Variants in SIAH1 observed in about 807,000 individuals in gnomAD.
SIAH1 encodes the protein siah E3 ubiquitin protein ligase 1.
Under a neutral mutation model 20.0 loss-of-function variants are expected in SIAH1, and 2 were observed. That is an observed-to-expected ratio of 0.10 (90% CI 0.04 to 0.31). The LOEUF (loss-of-function observed/expected upper bound fraction) is 0.31, where lower values mean the gene tolerates loss of function less well. Among genes scored for constraint, SIAH1 ranks in the 10% least tolerant of loss-of-function variants. SIAH1 has a pLI of 1.00. For missense variants in SIAH1, 119 were observed against 355.3 expected (o/e 0.33, Z 5.35); for synonymous variants, 118 against 125.3 (o/e 0.94, Z 0.39).
At chr16:48,383,337 C>T (rs1363092858) in intron 1 of SIAH1, among the ~76,000 whole-genome samples, 1 of 152,092 alleles carries the variant, frequency 6.6e-6, no homozygotes, top group East Asian at 1.9e-4. Context: ...CAGAATGAAA[C>T]ACTACACAAC....
At chr16:48,365,839 G>A (rs1401378964) in intron 1 of SIAH1, 39 of 1,249,792 alleles carry the variant, frequency 3.1e-5, no homozygotes, top group Admixed American at 3.9e-5. Context: ...GGGGCGACGC[G>A]CTGGCTGAGA....
rs1371726210 is a variant in SIAH1 at position 48,361,193 on chromosome 16, CAGTT to C, written c.*383_*386del. On this transcript the variant is annotated 3_prime_UTR_variant, in exon 2 of 2. Transcript: ENST00000394725. ...CCCATGACCACTCAAGATGGCTTGTCAGTTAAAGGAAAAAAACCCAAACACGCAC... is the reference window on the plus strand; with the variant it reads ...CCCATGACCACTCAAGATGGCTTGTCAAAGGAAAAAAACCCAAACACGCAC... 1.5e-5 allele frequency: 3 copies of C among 199,822 alleles called. No homozygotes were observed. The highest frequency in any genetic ancestry group is 2.4e-5 in the African/African-American group (1 of 42,150). The allele number at this position is 199,822 out of a possible 1,614,324, so 12.4% of individuals were successfully genotyped here. A position where few individuals can be genotyped will look rare whatever the true frequency, so the allele number is the denominator to read the frequency against.
At chr16:48,385,720 G>A (rs888151830), upstream of SIAH1, among the ~76,000 whole-genome samples, 2 of 152,014 alleles carry the variant, frequency 1.3e-5, no homozygotes, top group African/African-American at 4.8e-5. Context: ...AGCTCCTCCC[G>A]CGGCGCTTTG....
At chr16:48,368,561 G>A (rs1351740518) in intron 1 of SIAH1, among the ~76,000 whole-genome samples, 1 of 152,140 alleles carries the variant, frequency 6.6e-6, no homozygotes, top group Non-Finnish European at 1.5e-5. Context: ...AGCCGGGCAT[G>A]GTGGCGTGTG....
At position 48,362,529 on chromosome 16, in the gene SIAH1, A is replaced by T. The variant is rs1960634165; in HGVS notation, c.-2-99T>A. On this transcript the variant is annotated intron_variant, in intron 1 of 1. Transcript: ENST00000394725. This position sits in a 1 kb window ranked among gnomAD's most constrained non-coding sequence, Gnocchi z 4.2. ...GCCATAAGTCCTTTTAAAGTTTCAT[A>T]CAAAATTTACTGAGCAAAAGAGGAA... 8.1e-7 allele frequency: 1 copy of T among 1,231,862 alleles called. No individual in the cohort carries two copies. The allele number at this position is 1,231,862 out of a possible 1,614,324, so 76.3% of individuals were successfully genotyped here.
intron 1 of SIAH1, among the ~76,000 whole-genome samples, chr16:48,384,243 G>A (rs1961375690): frequency 6.6e-6 from 1 of 152,168 alleles, no homozygotes; most frequent in East Asian, 1.9e-4. Flanking sequence ...CAGTATCCAT[G>A]TCTCTCTGTT....
intron 1 of SIAH1, among the ~76,000 whole-genome samples, chr16:48,383,752 C>G (rs926049395): frequency 5.3e-5 from 8 of 152,172 alleles, no homozygotes; most frequent in African/African-American, 1.9e-4. Flanking sequence ...TACAAATCTC[C>G]TTGTCCTTTT....
chr16:48,361,991 G>A lies in SIAH1; in HGVS notation c.438C>T (p.Pro146=). The A allele has an allele frequency of 6.2e-7, 1 of 1,614,088 alleles. No individual in the cohort carries two copies. Among genetic ancestry groups the A allele is most frequent in the South Asian group, 1.1e-5 (1 of 91,080 alleles). ...KWQGSLDAVM[P]HLMHQHKSIT... is the part of the protein sequence containing the mutation. ...TGGACTTATGCTGATGCATCAGATG[G>A]GGCATTACAGCATCCAGAGAGCCTT... Residue 146 remains proline (P), a synonymous_variant, in exon 2 of 2, where the codon CCC becomes CCT. Coordinates refer to ENST00000394725, the MANE Select transcript of SIAH1 (RefSeq NM_003031.4).
At chr16:48,378,757 T>C (rs1351705546) in intron 1 of SIAH1, among the ~76,000 whole-genome samples, 1 of 152,188 alleles carries the variant, frequency 6.6e-6, no homozygotes, top group Non-Finnish European at 1.5e-5. Flanking sequence ...CTCTCTCTAC[T>C]ACCCATTTGC....
rs1960551571 is a variant in SIAH1, at chr16:48,360,757, A to G, written c.*823T>C. On this transcript the variant is annotated 3_prime_UTR_variant, in exon 2 of 2. Coordinates refer to ENST00000394725, the MANE Select transcript of SIAH1 (RefSeq NM_003031.4). ...AGCCTGATTTGCAGTATTTATAAAAATCAATTTATTCTCTAACCTTTCAAA... is the reference window on the plus strand; with the variant it reads ...AGCCTGATTTGCAGTATTTATAAAAGTCAATTTATTCTCTAACCTTTCAAA... The G allele has an allele frequency of 6.6e-6, 1 of 152,624 alleles. No individual in the cohort carries two copies. Among genetic ancestry groups the G allele is most frequent in the South Asian group, 2.1e-4 (1 of 4,838 alleles). 9.5% of individuals were successfully genotyped at this position (152,624 alleles called of 1,614,324 possible).
intron 1 of SIAH1, among the ~76,000 whole-genome samples, chr16:48,375,307 G>A (rs757775583): frequency 6.6e-6 from 1 of 152,174 alleles, no homozygotes; most frequent in African/African-American, 2.4e-5. Context: ...TCATACATCA[G>A]ACTTACTAAC....
chr16:48,384,714 G>C (rs1474085029), intron 1 of SIAH1, among the ~76,000 whole-genome samples: 1 of 151,186 alleles, frequency 6.6e-6, no homozygotes, highest in Admixed American at 6.6e-5. Context: ...CGGGCCTCCG[G>C]GCGCCGCGGG....
At chr16:48,384,565 G>A (rs577362209) in intron 1 of SIAH1, among the ~76,000 whole-genome samples, 1 of 152,268 alleles carries the variant, frequency 6.6e-6, no homozygotes, top group East Asian at 1.9e-4. Flanking sequence ...AACAAGGGAG[G>A]AGGCTGCATT....
intron 1 of SIAH1, among the ~76,000 whole-genome samples, chr16:48,384,855 C>G (rs1597036777): frequency 1.4e-5 from 2 of 146,306 alleles, no homozygotes; most frequent in South Asian, 4.2e-4. Context: ...CGGGCGCCAC[C>G]CCCGGCCGGG....
intron 1 of SIAH1, among the ~76,000 whole-genome samples, chr16:48,364,455 G>A (rs765358157): frequency 7.9e-5 from 12 of 152,142 alleles, no homozygotes; most frequent in Non-Finnish European, 1.6e-4. Flanking sequence ...GTCACTAAAC[G>A]GGTATTTTAA....
chr16:48,386,100 T>C (rs575732668), upstream of SIAH1, among the ~76,000 whole-genome samples: 2 of 152,354 alleles, frequency 1.3e-5, no homozygotes, highest in African/African-American at 4.8e-5. Flanking sequence ...ATTCCACTTC[T>C]TGAAATAATA....
chr16:48,361,976 C>T lies in SIAH1; in HGVS notation c.453G>A (p.Gln151=), dbSNP rs1234436547. Residue 151 remains glutamine (Q), a synonymous_variant, in exon 2 of 2, where the codon CAG becomes CAA. Transcript: ENST00000394725. The part of the protein sequence containing the change: ...LDAVMPHLMH[Q]HKSITTLQGE... ...CCTGTAGGGTTGTAATGGACTTATG[C>T]TGATGCATCAGATGGGGCATTACAG... The T allele has an allele frequency of 1.9e-6, 3 of 1,614,138 alleles. No individual in the cohort carries two copies. The highest frequency in any genetic ancestry group is 1.7e-6 in the Non-Finnish European group (2 of 1,180,018).
At chr16:48,375,345 T>TG (rs1214799557) in intron 1 of SIAH1, among the ~76,000 whole-genome samples, 3 of 151,554 alleles carry the variant, frequency 2.0e-5, no homozygotes, top group Non-Finnish European at 2.9e-5. Context: ...TTAAACGGGG[T>TG]GGGGGGAGAG....
chr16:48,369,063 A>G (rs922305558), intron 1 of SIAH1, among the ~76,000 whole-genome samples: 1 of 152,232 alleles, frequency 6.6e-6, no homozygotes, highest in Non-Finnish European at 1.5e-5. Context: ...TTCTTACACA[A>G]TGACAAAATC....
Sources: gnomAD v4.1 joint callset for allele counts (sites outside exome capture counted in the v4.1 genomes callset) on GRCh38, gnomAD v4.1.1 for gene constraint, Gnocchi (gnomAD v3.1) non-coding constraint, MANE v1.5 for transcripts, NCBI Gene and HGNC (gene_info 2026-07-23, HGNC 2026-07-21) for gene names.